The following LDB2 variants were observed in gnomAD, a reference collection of about 807,000 sequenced individuals.
The protein encoded by LDB2 is LIM domain-binding protein 2.
Under a neutral mutation model 44.3 loss-of-function variants are expected in LDB2, and 12 were observed. The observed-to-expected ratio is 0.27, with a 90% CI of 0.17 to 0.44. LDB2 has a LOEUF of 0.44. Among genes scored for constraint, LDB2 ranks in the 20% least tolerant of loss-of-function variants. LDB2 has a pLI of 1.00. For synonymous variants in LDB2, 164 were observed against 174.8 expected (o/e 0.94, Z 0.49); for missense variants, 344 against 473.5 (o/e 0.73, Z 2.54).
chr4:16,836,326 G>C (rs753711758), intron 1 of LDB2, among the ~76,000 whole-genome samples: 1 of 152,126 alleles, frequency 6.6e-6, no homozygotes, highest in Non-Finnish European at 1.5e-5. Context: ...TGGCTGGGAG[G>C]ATAAACATGG....
chr4:16,540,081 TG>T (rs1733240829), intron 5 of LDB2, among the ~76,000 whole-genome samples: 1 of 152,056 alleles, frequency 6.6e-6, no homozygotes, highest in Non-Finnish European at 1.5e-5. Flanking sequence ...GTGGGGGAGA[TG>T]GTGCCATACA....
At chr4:16,819,328 C>T (rs540764040) in intron 1 of LDB2, among the ~76,000 whole-genome samples, 1 of 151,684 alleles carries the variant, frequency 6.6e-6, no homozygotes, top group Non-Finnish European at 1.5e-5. Context: ...AATAAAATGG[C>T]CATTTGTTAG....
intron 1 of LDB2, among the ~76,000 whole-genome samples, chr4:16,849,028 C>A (rs1467621356): frequency 2.6e-5 from 4 of 152,212 alleles, no homozygotes; most frequent in Admixed American, 2.6e-4. Flanking sequence ...AAAATGAAAT[C>A]CCAAATTGAA....
chr4:16,678,299 G>A (rs770742952), intron 2 of LDB2, among the ~76,000 whole-genome samples: 4 of 152,198 alleles, frequency 2.6e-5, no homozygotes, highest in Non-Finnish European at 5.9e-5. Flanking sequence ...CAATTATTTT[G>A]TACCAGGCCC....
At chr4:16,626,765 A>G (rs1444913030) in intron 2 of LDB2, 2 of 152,174 alleles carry the variant, frequency 1.3e-5, no homozygotes, top group East Asian at 3.8e-4. Context: ...AGATATGGTA[A>G]CATGTAATGT....
In LDB2 at chr4:16,595,830, T is replaced by A; in HGVS notation, c.281A>T (p.Glu94Val). 6.2e-7 allele frequency: 1 copy of A among 1,613,454 alleles called. No individual in the cohort carries two copies. The highest frequency in any genetic ancestry group is 8.5e-7 in the Non-Finnish European group (1 of 1,179,754). ...LIPRYFSTVF[E>V]GGVTDLYYIL... ...GTAATACAGGTCGGTCACCCCTCCTTCAAACACAGTGCTAAAGTAACGGGG... is the reference window on the plus strand; with the variant it reads ...GTAATACAGGTCGGTCACCCCTCCTACAAACACAGTGCTAAAGTAACGGGG... The change falls in exon 3 of 8, where the codon GAA (glutamate) becomes GTA (valine). Residue 94 changes from glutamate to valine, a missense_variant. Around this residue, in one of 3 missense-constraint regions of LDB2, gnomAD observed 226 missense variants for 270.1 expected, o/e 0.84. Coordinates refer to ENST00000304523, the MANE Select transcript of LDB2 (RefSeq NM_001290.5).
At chr4:16,698,422 C>T (rs969343628) in intron 2 of LDB2, among the ~76,000 whole-genome samples, 1 of 152,232 alleles carries the variant, frequency 6.6e-6, no homozygotes, top group African/African-American at 2.4e-5. Flanking sequence ...TCTTTCCACA[C>T]ACCTCACAGG....
At chr4:16,640,167 A>T (rs4698501) in intron 2 of LDB2, among the ~76,000 whole-genome samples, 124,502 of 152,220 alleles carry the variant, frequency 0.82, 50,946 homozygotes, top group Middle Eastern at 0.91. Context: ...CTGTTTAGTG[A>T]CTTATAACCC....
chr4:16,577,082 C>T (rs552215289), intron 5 of LDB2, among the ~76,000 whole-genome samples: 96 of 152,146 alleles, frequency 6.3e-4, no homozygotes, highest in Non-Finnish European at 1.2e-3. Context: ...AACATGCTTC[C>T]ACATAATAAA....
intron 2 of LDB2, among the ~76,000 whole-genome samples, chr4:16,720,974 A>G (rs1469331305): frequency 6.6e-6 from 1 of 152,178 alleles, no homozygotes; most frequent in Non-Finnish European, 1.5e-5. Context: ...ATGCAAGCCC[A>G]AGTTCAAGTC....
At chr4:16,697,266 T>TACAC (rs57040700) in intron 2 of LDB2, among the ~76,000 whole-genome samples, 8,544 of 130,674 alleles carry the variant, frequency 0.065, 328 homozygotes, top group South Asian at 0.1. Context: ...CTACTAAAAA[T>TACAC]ACACACACAC....
At chr4:16,612,429 G>T (rs760294557) in intron 2 of LDB2, among the ~76,000 whole-genome samples, 3 of 152,016 alleles carry the variant, frequency 2.0e-5, no homozygotes, top group Admixed American at 6.6e-5. Flanking sequence ...TCCAGGAGCA[G>T]GTTTTTTGAG....
At chr4:16,583,078 C>T (rs891887076) in intron 5 of LDB2, among the ~76,000 whole-genome samples, 6 of 152,238 alleles carry the variant, frequency 3.9e-5, no homozygotes, top group African/African-American at 1.4e-4. Context: ...AGGGTCTCGC[C>T]TGCTCCTCCC....
At chr4:16,637,770 A>G (rs1578385576) in intron 2 of LDB2, among the ~76,000 whole-genome samples, 1 of 152,154 alleles carries the variant, frequency 6.6e-6, no homozygotes, top group African/African-American at 2.4e-5. Flanking sequence ...TTAATTATGA[A>G]GACTTCTTCT....
intron 2 of LDB2, among the ~76,000 whole-genome samples, chr4:16,644,307 C>T (rs1736044175): frequency 6.6e-6 from 1 of 152,192 alleles, no homozygotes. Context: ...TCCCAAGCTC[C>T]AGGTGTTTTC....
At chr4:16,808,817 GC>G (rs1779252132) in intron 1 of LDB2, among the ~76,000 whole-genome samples, 1 of 152,072 alleles carries the variant, frequency 6.6e-6, no homozygotes, top group African/African-American at 2.4e-5. Context: ...TGTATTACAC[GC>G]ATTAGTACAG....
At chr4:16,577,031 A>T (rs1711936759) in intron 5 of LDB2, among the ~76,000 whole-genome samples, 1 of 152,194 alleles carries the variant, frequency 6.6e-6, no homozygotes, top group Admixed American at 6.5e-5. Flanking sequence ...AAAACTCAAC[A>T]TCTCTTTATA....
chr4:16,687,583 G>A (rs900320230), intron 2 of LDB2, among the ~76,000 whole-genome samples: 8 of 152,182 alleles, frequency 5.3e-5, no homozygotes, highest in African/African-American at 1.9e-4. Flanking sequence ...AGAGGAATAA[G>A]TAAACTAAGT....
intron 2 of LDB2, among the ~76,000 whole-genome samples, chr4:16,667,547 G>A (rs553513166): frequency 1.5e-3 from 228 of 152,270 alleles, no homozygotes; most frequent in African/African-American, 5.2e-3. Flanking sequence ...ACAGGAGAAG[G>A]CAGGAGTCAA....
Sources: allele counts gnomAD v4.1 joint callset (sites outside exome capture counted in the v4.1 genomes callset), GRCh38; gene constraint gnomAD v4.1.1; regional missense constraint gnomAD v4.1.1; transcripts MANE v1.5; gene names NCBI Gene and HGNC (gene_info 2026-07-23, HGNC 2026-07-21).